The following TRIP12 variants were observed in gnomAD, a reference collection of about 807,000 sequenced individuals.
The protein encoded by TRIP12 is thyroid hormone receptor interactor 12.
In TRIP12, 25 loss-of-function variants were observed where a neutral mutation model predicts 244.2. That is an observed-to-expected ratio of 0.10 (90% CI 0.07 to 0.14). The LOEUF (loss-of-function observed/expected upper bound fraction) is 0.14, where lower values mean the gene tolerates loss of function less well. TRIP12 is among the 10% of genes least tolerant of loss of function. The probability of loss-of-function intolerance (pLI) is 1.00; values close to 1 mark genes in which losing one functional copy is unlikely to be tolerated. For missense variants in TRIP12, 1,677 were observed against 2,486.4 expected (o/e 0.67, Z 6.92); for synonymous variants, 905 against 873.1 (o/e 1.04, Z -0.64).
chr2:229,857,561 G>A (rs1559899866), intron 4 of TRIP12, among the ~76,000 whole-genome samples: 1 of 151,968 alleles, frequency 6.6e-6, no homozygotes, highest in African/African-American at 2.4e-5. Flanking sequence ...AACCCAGGAG[G>A]TGGAGGTTGC....
chr2:229,817,782 A>C (rs1188483119), intron 9 of TRIP12, among the ~76,000 whole-genome samples: 1 of 152,136 alleles, frequency 6.6e-6, no homozygotes, highest in Non-Finnish European at 1.5e-5. Flanking sequence ...TTTAGTAGAG[A>C]TGGGGTTTCA....
chr2:229,851,428 A>T (rs1312099808), intron 4 of TRIP12, among the ~76,000 whole-genome samples: 1 of 152,098 alleles, frequency 6.6e-6, no homozygotes, highest in Non-Finnish European at 1.5e-5. Context: ...CAGGGATTGT[A>T]AATGCACCAA....
chr2:229,809,052 G>A (rs1350753243), intron 15 of TRIP12, among the ~76,000 whole-genome samples: 6 of 152,166 alleles, frequency 3.9e-5, no homozygotes, highest in Non-Finnish European at 5.9e-5. Flanking sequence ...GGTCTTTGCT[G>A]ATTGTGTGTG....
chr2:229,805,167 A>G (rs1490485732), intron 18 of TRIP12, among the ~76,000 whole-genome samples: 2 of 151,808 alleles, frequency 1.3e-5, no homozygotes, highest in Non-Finnish European at 2.9e-5. Context: ...AGCCTCCCAA[A>G]GTGCTGGGAT....
At chr2:229,922,656 C>G (rs751578903), upstream of TRIP12, 2 of 1,595,306 alleles carry the variant, frequency 1.3e-6, no homozygotes, top group Non-Finnish European at 8.6e-7. Flanking sequence ...CCCTACCTGG[C>G]CCGGTTGGGG....
In TRIP12 at chr2:229,873,714, G is replaced by T. The variant is rs1576450495; in HGVS notation, c.98+6268C>A. ...ATTTCTTTCTATATAACTAATGGGG[G>T]TTTAAAAAAATCTCTGCTCTAAAAA... On this transcript the variant is annotated intron_variant, in intron 2 of 41. Transcript: ENST00000675903. Among the ~76,000 whole-genome samples, 8 of 151,950 alleles carry T rather than the reference G, an allele frequency of 5.3e-5. 3 individuals carry two copies. Among genetic ancestry groups the T allele is most frequent in the Admixed American group, 5.2e-4 (8 of 15,262 alleles).
Position 229,905,104 on chromosome 2 carries a change from G to A in TRIP12, c.-50+16776C>T, listed in dbSNP as rs138635148. 5.3e-3 allele frequency among the ~76,000 whole-genome samples: 803 copies of A among 152,198 alleles called. 6 individuals carry two copies. Among genetic ancestry groups the A allele is most frequent in the Middle Eastern group, 0.017 (5 of 294 alleles). ...TGCCTGACCAACATGGAGAAACCCC[G>A]TCTCTACTAAAAATACAAAATTAGC... On this transcript the variant is annotated intron_variant, in intron 1 of 41. Coordinates refer to ENST00000675903, the MANE Select transcript of TRIP12 (RefSeq NM_001348323.3).
intron 34 of TRIP12, among the ~76,000 whole-genome samples, chr2:229,783,117 C>T (rs1273871539): frequency 6.6e-6 from 1 of 152,184 alleles, no homozygotes; most frequent in Non-Finnish European, 1.5e-5. Flanking sequence ...AGCTCCAGCC[C>T]CAGGGTCTGT....
At chr2:229,918,803 A>T (rs1305625583) in intron 1 of TRIP12, among the ~76,000 whole-genome samples, 1 of 152,218 alleles carries the variant, frequency 6.6e-6, no homozygotes, top group Non-Finnish European at 1.5e-5. Flanking sequence ...GAGAAGCTGT[A>T]TCTTTTAAAA....
chr2:229,893,194 CCT>C (rs914870837), intron 1 of TRIP12, among the ~76,000 whole-genome samples: 14 of 152,280 alleles, frequency 9.2e-5, no homozygotes, highest in South Asian at 4.2e-4. Flanking sequence ...TTTACGTACC[CCT>C]GTGTCTGCCA....
At chr2:229,867,098 T>G (rs1004503676) in intron 2 of TRIP12, among the ~76,000 whole-genome samples, 7 of 40,174 alleles carry the variant, frequency 1.7e-4, no homozygotes, top group East Asian at 1.8e-3. Flanking sequence ...ACATAGAGGG[T>G]TTTTTTTTTT....
intron 1 of TRIP12, among the ~76,000 whole-genome samples, chr2:229,904,710 A>G (rs765665970): frequency 3.9e-5 from 6 of 152,338 alleles, no homozygotes; most frequent in Non-Finnish European, 7.3e-5. Context: ...ATAATCAGAA[A>G]TAAATGCCTC....
intron 24 of TRIP12, among the ~76,000 whole-genome samples, chr2:229,797,252 A>G (rs1320737854): frequency 6.6e-6 from 1 of 152,122 alleles, no homozygotes; most frequent in African/African-American, 2.4e-5. Context: ...AATAAAAATA[A>G]AAATAAGAAC....
intron 34 of TRIP12, among the ~76,000 whole-genome samples, chr2:229,784,513 GAA>G (rs796545176): frequency 1.7e-5 from 1 of 57,830 alleles, no homozygotes; most frequent in Non-Finnish European, 3.4e-5. Flanking sequence ...GCACAAACAA[GAA>G]AAAAAAAAAA....
intron 1 of TRIP12, among the ~76,000 whole-genome samples, chr2:229,910,800 AAC>A (rs1205594246): frequency 1.3e-5 from 2 of 152,226 alleles, no homozygotes; most frequent in Non-Finnish European, 2.9e-5. Flanking sequence ...CTCTGCAATT[AAC>A]AGTCTAGTTT....
intron 39 of TRIP12, among the ~76,000 whole-genome samples, chr2:229,770,128 G>A (rs190303871): frequency 7.9e-5 from 12 of 151,940 alleles, no homozygotes; most frequent in East Asian, 1.9e-4. Flanking sequence ...ATACCACCAC[G>A]CCCAGCTAAT....
At chr2:229,864,047 A>AGTGAGTGT (rs1553712196) in intron 2 of TRIP12, among the ~76,000 whole-genome samples, 192 of 79,254 alleles carry the variant, frequency 2.4e-3, no homozygotes, top group Middle Eastern at 9.1e-3. Context: ...AGAGAGAGAG[A>AGTGAGTGT]GTGTGTGTGT....
intron 8 of TRIP12, among the ~76,000 whole-genome samples, chr2:229,826,956 T>C (rs374157060): frequency 6.6e-6 from 1 of 152,158 alleles, no homozygotes; most frequent in African/African-American, 2.4e-5. Flanking sequence ...TATATTTATG[T>C]ATACTAAATT....
chr2:229,865,192 T>C (rs2061286562), intron 2 of TRIP12, among the ~76,000 whole-genome samples: 1 of 151,840 alleles, frequency 6.6e-6, no homozygotes, highest in South Asian at 2.1e-4. Context: ...CACACCTGTA[T>C]TCCTAGCTAC....
Sources: gnomAD v4.1 joint callset for allele counts (sites outside exome capture counted in the v4.1 genomes callset) on GRCh38, gnomAD v4.1.1 for gene constraint, MANE v1.5 for transcripts, NCBI Gene and HGNC (gene_info 2026-07-23, HGNC 2026-07-21) for gene names.